The following NOS1AP variants were observed in gnomAD, a reference collection of about 807,000 sequenced individuals.
The protein encoded by NOS1AP is nitric oxide synthase 1 adaptor protein, also known as carboxyl-terminal PDZ ligand of neuronal nitric oxide synthase protein.
Under a neutral mutation model 56.2 loss-of-function variants are expected in NOS1AP, and 21 were observed. The ratio of observed to expected loss-of-function variants is 0.37; its 90% confidence interval spans 0.26 to 0.54. The LOEUF is 0.54. Ranked by LOEUF, NOS1AP falls within the 20% of genes least tolerant of loss-of-function variation. NOS1AP has a pLI of 0.84. For missense variants in NOS1AP, 522 were observed against 657.8 expected, an observed-to-expected ratio of 0.79 and a Z score of 2.26; for synonymous variants, 270 against 274.6, an observed-to-expected ratio of 0.98 and a Z score of 0.17.
intron 2 of NOS1AP, among the ~76,000 whole-genome samples, chr1:162,169,597 C>T (rs185532991): frequency 2.0e-5 from 3 of 152,238 alleles, no homozygotes; most frequent in African/African-American, 7.2e-5. Flanking sequence ...ACTGTATGCA[C>T]GTGGCATGTG....
intron 1 of NOS1AP, among the ~76,000 whole-genome samples, chr1:162,128,765 A>C (rs1648608346): frequency 6.7e-6 from 1 of 149,812 alleles, no homozygotes; most frequent in African/African-American, 2.4e-5. Context: ...GGGAAAAAAA[A>C]ATCTGTTTCA....
chr1:162,334,583 A>G (rs1417412878), intron 5 of NOS1AP, among the ~76,000 whole-genome samples: 2 of 152,168 alleles, frequency 1.3e-5, no homozygotes, highest in Admixed American at 1.3e-4. Flanking sequence ...GCTCGTCTGT[A>G]AGGTTCTGAC....
chr1:162,292,338 G>A (rs1164696294), intron 3 of NOS1AP, among the ~76,000 whole-genome samples: 9 of 152,144 alleles, frequency 5.9e-5, no homozygotes, highest in Admixed American at 5.9e-4. Context: ...AAGACCAGAG[G>A]GAGCAAACTG....
At chr1:162,186,039 A>G (rs1160912069) in intron 2 of NOS1AP, among the ~76,000 whole-genome samples, 2 of 152,216 alleles carry the variant, frequency 1.3e-5, no homozygotes, top group East Asian at 3.8e-4. Flanking sequence ...GCTTTGCTTA[A>G]CTTTTGTTTA....
intron 1 of NOS1AP, among the ~76,000 whole-genome samples, chr1:162,102,879 C>T (rs569288746): frequency 6.6e-6 from 1 of 151,880 alleles, no homozygotes; most frequent in African/African-American, 2.4e-5. Context: ...TTTCAAAAAA[C>T]CAGCTACTGG....
chr1:162,145,865 C>A (rs1649441105), intron 1 of NOS1AP, among the ~76,000 whole-genome samples: 2 of 152,102 alleles, frequency 1.3e-5, no homozygotes, highest in South Asian at 4.1e-4. Context: ...GACAGGGAGA[C>A]CAGACTGCAT....
chr1:162,176,697 C>T (rs1651073988), intron 2 of NOS1AP, among the ~76,000 whole-genome samples: 1 of 151,974 alleles, frequency 6.6e-6, no homozygotes, highest in South Asian at 2.1e-4. Flanking sequence ...TTTGTAGAGA[C>T]AGGGTTTCAC....
chr1:162,365,055 C>T (rs897631515), intron 8 of NOS1AP: 9 of 1,185,034 alleles, frequency 7.6e-6, no homozygotes, highest in South Asian at 2.4e-5. Context: ...GATGGAGCAC[C>T]GTGCGTGTGT....
intron 2 of NOS1AP, among the ~76,000 whole-genome samples, chr1:162,228,188 T>G (rs1202968643): frequency 6.6e-6 from 1 of 152,206 alleles, no homozygotes; most frequent in Non-Finnish European, 1.5e-5. Flanking sequence ...GCTTAGAGGT[T>G]AGATTGAGAA....
chr1:162,164,305 G>A (rs748570791), intron 2 of NOS1AP, among the ~76,000 whole-genome samples: 3 of 152,282 alleles, frequency 2.0e-5, no homozygotes. Context: ...GTTGGCAACA[G>A]GTTGCATTGA....
chr1:162,137,947 G>A (rs1199557786), intron 1 of NOS1AP, among the ~76,000 whole-genome samples: 1 of 152,156 alleles, frequency 6.6e-6, no homozygotes, highest in Non-Finnish European at 1.5e-5. Flanking sequence ...GTCTGTGAGA[G>A]AATACTAGGT....
At chr1:162,105,946 A>G (rs12036268) in intron 1 of NOS1AP, among the ~76,000 whole-genome samples, 34,871 of 152,114 alleles carry the variant, frequency 0.23, 4,878 homozygotes, top group South Asian at 0.56. Context: ...CCCCTGACTC[A>G]GCCCCCTTCC....
At chr1:162,089,019 G>A (rs1342741856) in intron 1 of NOS1AP, among the ~76,000 whole-genome samples, 1 of 152,054 alleles carries the variant, frequency 6.6e-6, no homozygotes, top group Admixed American at 6.6e-5. Context: ...CTCAGACCTG[G>A]AATCAATCAT....
chr1:162,178,755 GA>G, intron 2 of NOS1AP, among the ~76,000 whole-genome samples: 1 of 152,360 alleles, frequency 6.6e-6, no homozygotes, highest in East Asian at 1.9e-4. Flanking sequence ...AACAGTGGAA[GA>G]AAAAGGTTTC....
chr1:162,131,391 A>G lies in NOS1AP; in HGVS notation c.106-23014A>G, dbSNP rs570502981. On this transcript the variant is annotated intron_variant, in intron 1 of 9. Transcript: ENST00000361897. Reference sequence around the variant, plus strand: ...ATCTCTATGCTCCCCTTTCTGCCCTATTGTGGCTTGTCACTTGACACAGAA... The same window carrying G: ...ATCTCTATGCTCCCCTTTCTGCCCTGTTGTGGCTTGTCACTTGACACAGAA... 5.3e-5 allele frequency among the ~76,000 whole-genome samples: 8 copies of G among 151,744 alleles called. No homozygotes were observed. The South Asian group carries it at 1.5e-3, about 28-fold the overall frequency.
chr1:162,264,499 C>T (rs1225153858), intron 2 of NOS1AP, among the ~76,000 whole-genome samples: 69 of 112,522 alleles, frequency 6.1e-4, no homozygotes, highest in African/African-American at 1.5e-3. Flanking sequence ...TCCTCCTCTC[C>T]TCTCCTCTCT....
At chr1:162,339,659 T>TC (rs1169584126) in intron 5 of NOS1AP, among the ~76,000 whole-genome samples, 2 of 152,248 alleles carry the variant, frequency 1.3e-5, no homozygotes, top group African/African-American at 2.4e-5. Context: ...ACCAGAGTTC[T>TC]CCCTCTTGGG....
intron 1 of NOS1AP, among the ~76,000 whole-genome samples, chr1:162,087,017 T>C (rs913711766): frequency 1.3e-5 from 2 of 152,170 alleles, no homozygotes; most frequent in African/African-American, 4.8e-5. Context: ...ATTTGACTTA[T>C]AGTAGTGTTA....
chr1:162,200,082 G>A (rs1651943597), intron 2 of NOS1AP, among the ~76,000 whole-genome samples: 2 of 152,154 alleles, frequency 1.3e-5, no homozygotes, highest in African/African-American at 4.8e-5. Flanking sequence ...TTCCATTTGT[G>A]CACTGGTAGA....
Sources: allele counts gnomAD v4.1 joint callset (sites outside exome capture counted in the v4.1 genomes callset), GRCh38; gene constraint gnomAD v4.1.1; transcripts MANE v1.5; gene names NCBI Gene and HGNC (gene_info 2026-07-23, HGNC 2026-07-21).